MAMDC2: variants seen among roughly 807,000 people sequenced by gnomAD.
MAMDC2 encodes the protein MAM domain-containing protein 2.
A neutral mutation model predicts 89.8 loss-of-function variants in MAMDC2; 57 were observed. The observed-to-expected ratio is 0.63, with a 90% CI of 0.51 to 0.79. The LOEUF (loss-of-function observed/expected upper bound fraction) is 0.79. Ranked by LOEUF, MAMDC2 falls within the 30% of genes least tolerant of loss-of-function variation. The pLI is 0.00. For synonymous variants in MAMDC2, 313 were observed against 293.4 expected, an observed-to-expected ratio of 1.07 and a Z score of -0.68; for missense variants, 800 against 820.6, an observed-to-expected ratio of 0.97 and a Z score of 0.31.
intron 7 of MAMDC2, 139 bp downstream of exon 7, chr9:70,131,751 T>G (rs540360524): frequency 2.9e-6 from 2 of 678,008 alleles, no homozygotes; most frequent in South Asian, 3.7e-5. Context: ...TAATCAAAGG[T>G]CATTTTTCTG....
intron 2 of MAMDC2, among the ~76,000 whole-genome samples, chr9:70,046,434 C>T (rs929632810): frequency 6.6e-6 from 1 of 152,234 alleles, no homozygotes; most frequent in Non-Finnish European, 1.5e-5. Flanking sequence ...CATCCTAGTG[C>T]TGGCCCTGAG....
chr9:70,097,716 A>G (rs1294875422), intron 2 of MAMDC2, among the ~76,000 whole-genome samples: 4 of 152,156 alleles, frequency 2.6e-5, no homozygotes, highest in Non-Finnish European at 5.9e-5. Context: ...GGACCTGCCT[A>G]TAAAGTTGCA....
intron 12 of MAMDC2, among the ~76,000 whole-genome samples, chr9:70,224,211 G>A (rs1010944177): frequency 4.7e-5 from 2 of 42,582 alleles, no homozygotes; most frequent in Non-Finnish European, 1.3e-4. Context: ...CAGAGAAACC[G>A]AACCAGTAAG....
chr9:70,200,370 G>A (rs1401568606), intron 11 of MAMDC2, among the ~76,000 whole-genome samples: 14 of 145,964 alleles, frequency 9.6e-5, no homozygotes, highest in Admixed American at 2.7e-4. Flanking sequence ...GTAGGTATGC[G>A]GCGTTATTTC....
chr9:70,204,812 C>T (rs905129319), intron 11 of MAMDC2, among the ~76,000 whole-genome samples: 9 of 152,276 alleles, frequency 5.9e-5, no homozygotes, highest in Admixed American at 1.3e-4. Context: ...GGGAGTGACC[C>T]GATTTTCCAG....
Position 70,217,808 on chromosome 9 carries a change from C to T in MAMDC2, c.1652-529C>T, listed in dbSNP as rs1203666717. The T allele has an allele frequency of 3.1e-5, 20 of 655,358 alleles. No homozygotes were observed. The Admixed American group carries it at 5.3e-4, about 17-fold the overall frequency. 40.6% of individuals were successfully genotyped at this position (655,358 alleles called of 1,614,324 possible). ...GAAACAAATAATGGAATATGCATAACATGTGAGCATATGTCATTATGTTAT... is the reference window on the plus strand; with the variant it reads ...GAAACAAATAATGGAATATGCATAATATGTGAGCATATGTCATTATGTTAT... On this transcript the variant is annotated intron_variant, in intron 11 of 13. Transcript: ENST00000377182.
At chr9:70,104,364 C>A (rs1011839848) in intron 2 of MAMDC2, among the ~76,000 whole-genome samples, 1 of 152,150 alleles carries the variant, frequency 6.6e-6, no homozygotes, top group African/African-American at 2.4e-5. Flanking sequence ...ATGATGCAAC[C>A]ACTTGAGAAA....
In MAMDC2 at chr9:70,113,081, C is replaced by G. The variant is rs376369521; in HGVS notation, c.592C>G (p.Arg198Gly). 2 of 1,614,054 alleles carry G rather than the reference C, an allele frequency of 1.2e-6. No individual in the cohort carries two copies. The highest frequency in any genetic ancestry group is 2.2e-5 in the South Asian group (2 of 91,086). The change falls in exon 5 of 14, where the codon CGG (arginine) becomes GGG (glycine). Residue 198 changes from arginine to glycine, a missense_variant. By Grantham distance (125) the Arg-to-Gly change is moderately radical. Coordinates refer to ENST00000377182, the MANE Select transcript of MAMDC2 (RefSeq NM_153267.5). ...VNWFVGGGSI[R>G]NVHSILPQDH... ...CTGGTTTGTTGGAGGAGGAAGTATT[C>G]GGAATGTCCACTCCATTCTCCCACA... is the stretch of plus-strand genomic sequence containing the variant.
intron 4 of MAMDC2, 133 bp downstream of exon 4, chr9:70,109,937 A>G: frequency 1.4e-6 from 1 of 716,234 alleles, no homozygotes; most frequent in South Asian, 1.8e-5. Flanking sequence ...ACTGGTTTAA[A>G]TTCTTTGCTA....
intron 11 of MAMDC2, among the ~76,000 whole-genome samples, chr9:70,177,290 C>T (rs1033769528): frequency 1.6e-4 from 24 of 152,184 alleles, no homozygotes; most frequent in African/African-American, 5.5e-4. Flanking sequence ...AGTCTGATAA[C>T]AAAGATGGCT....
chr9:70,226,858 G>T lies in MAMDC2; in HGVS notation c.*826G>T, dbSNP rs2033646633. The T allele has an allele frequency of 6.6e-6, 1 of 151,980 alleles. No individual in the cohort carries two copies. Among genetic ancestry groups the T allele is most frequent in the East Asian group, 1.9e-4 (1 of 5,192 alleles). The allele number at this position is 151,980 out of a possible 1,614,324, so 9.4% of individuals were successfully genotyped here. On this transcript the variant is annotated 3_prime_UTR_variant, in exon 14 of 14. Coordinates refer to ENST00000377182, the MANE Select transcript of MAMDC2 (RefSeq NM_153267.5). ...ATTTTGAATAATATGAATTCAGGCA[G>T]ATATACTAAACTGCTTTTATTTACT...
At chr9:70,182,767 GTCTA>G (rs982381605) in intron 11 of MAMDC2, among the ~76,000 whole-genome samples, 38 of 152,090 alleles carry the variant, frequency 2.5e-4, no homozygotes, top group African/African-American at 8.0e-4. Flanking sequence ...AGTCTGAGCG[GTCTA>G]TCTATTTTAT....
In MAMDC2 at chr9:70,144,180, C is replaced by A. The variant is rs184402815; in HGVS notation, c.1404+361C>A. ...TCTTTCCCTCCCTCTTTCTCAAACA[C>A]ACATACACACACTAGTGGGAATGCT... On this transcript the variant is annotated intron_variant, in intron 9 of 13. Transcript: ENST00000377182. 4.5e-4 allele frequency among the ~76,000 whole-genome samples: 69 copies of A among 152,286 alleles called. 1 individual carries two copies.
chr9:70,175,624 T>C (rs1587545018), intron 11 of MAMDC2: 1 of 152,176 alleles, frequency 6.6e-6, no homozygotes, highest in Non-Finnish European at 1.5e-5. Flanking sequence ...GTATCAGCAG[T>C]TTCAGGCATC....
chr9:70,145,498 C>T (rs1395549184), intron 9 of MAMDC2, among the ~76,000 whole-genome samples: 1 of 152,096 alleles, frequency 6.6e-6, no homozygotes, highest in Non-Finnish European at 1.5e-5. Flanking sequence ...TCCCAAAGGC[C>T]TAACTTGAGT....
At chr9:70,087,874 A>C (rs1249860159) in intron 2 of MAMDC2, among the ~76,000 whole-genome samples, 1 of 152,174 alleles carries the variant, frequency 6.6e-6, no homozygotes, top group Non-Finnish European at 1.5e-5. Context: ...CACTCTTGCT[A>C]CTTCTGTAGG....
At chr9:70,167,152 T>C (rs1266757687) in intron 9 of MAMDC2, among the ~76,000 whole-genome samples, 4 of 151,954 alleles carry the variant, frequency 2.6e-5, no homozygotes, top group Admixed American at 2.0e-4. Context: ...AAATCCACCC[T>C]GTTTTGTTTT....
Position 70,044,603 on chromosome 9 carries a change from C to T in MAMDC2, c.54C>T (p.Ala18=). ...CCGCAGCCCTGCAGCTCGCCGGTGCCCTCGACCTGCCCGCTGGGTCCTGTG... is the reference window on the plus strand; with the variant it reads ...CCGCAGCCCTGCAGCTCGCCGGTGCTCTCGACCTGCCCGCTGGGTCCTGTG... The part of the protein sequence containing the change: ...LALQALQLAG[A]LDLPAGSCAF... Residue 18 remains alanine, a synonymous_variant, in exon 2 of 14, where the codon GCC becomes GCT. Transcript: ENST00000377182. The T allele has an allele frequency of 6.4e-7, 1 of 1,550,620 alleles. No homozygotes were observed. Among genetic ancestry groups the T allele is most frequent in the Non-Finnish European group, 8.7e-7 (1 of 1,146,918 alleles).
intron 11 of MAMDC2, among the ~76,000 whole-genome samples, chr9:70,187,859 T>C (rs2032791327): frequency 6.6e-6 from 1 of 152,210 alleles, no homozygotes; most frequent in Non-Finnish European, 1.5e-5. Context: ...GTGAACAACT[T>C]TTTCTGTGGA....
Sources: allele counts gnomAD v4.1 joint callset (sites outside exome capture counted in the v4.1 genomes callset), GRCh38; gene constraint gnomAD v4.1.1; transcripts MANE v1.5; gene names NCBI Gene and HGNC (gene_info 2026-07-23, HGNC 2026-07-21).